The following REPS1 variants were observed in gnomAD, a reference collection of about 807,000 sequenced individuals.
REPS1 encodes ralBP1-associated Eps domain-containing protein 1.
In REPS1, 39 loss-of-function variants were observed where a neutral mutation model predicts 100.9. That is an observed-to-expected ratio of 0.39 (90% CI 0.30 to 0.50). REPS1 has a LOEUF of 0.50. REPS1 is among the 20% of genes least tolerant of loss of function. The probability of loss-of-function intolerance (pLI) is 0.86; values close to 1 mark genes in which losing one functional copy is unlikely to be tolerated. For missense variants in REPS1, 821 were observed against 968.5 expected (o/e 0.85, Z 2.02); for synonymous variants, 324 against 340.3 (o/e 0.95, Z 0.53).
At chr6:138,955,707 A>G (rs1211724584) in intron 1 of REPS1, among the ~76,000 whole-genome samples, 3 of 152,090 alleles carry the variant, frequency 2.0e-5, no homozygotes, top group Admixed American at 1.3e-4. Flanking sequence ...ACTTCTAGGA[A>G]AAAAGATAAA....
chr6:138,941,629 GTAA>G, intron 7 of REPS1, 140 bp from the exon 8 acceptor site: 1 of 768,014 alleles, frequency 1.3e-6, no homozygotes, highest in South Asian at 1.8e-5. Context: ...AGAAAGATGT[GTAA>G]TATAGCAAAT....
intron 14 of REPS1, 131 bp downstream of exon 14, chr6:138,915,727 A>T: frequency 1.5e-6 from 1 of 679,810 alleles, no homozygotes; most frequent in South Asian, 1.9e-5. Context: ...GATTACAGGC[A>T]TGAGCAACCA....
chr6:138,915,452 A>ATT (rs5880407), intron 14 of REPS1, among the ~76,000 whole-genome samples: 5 of 134,622 alleles, frequency 3.7e-5, no homozygotes, highest in Non-Finnish European at 3.3e-5. Flanking sequence ...CCTTCAGATA[A>ATT]TTTTTTTTTT....
rs933893296 is a variant in REPS1 at position 138,988,005 on chromosome 6, A to AG, written c.-324dup. 2.4e-4 allele frequency: 95 copies of AG among 395,144 alleles called. 3 individuals carry two copies. The highest frequency in any genetic ancestry group is 1.8e-3 in the African/African-American group (88 of 48,446). The allele number at this position is 395,144 out of a possible 1,614,324, so 24.5% of individuals were successfully genotyped here. A position where few individuals can be genotyped will look rare whatever the true frequency, so the allele number is the denominator to read the frequency against. On this transcript the variant is annotated 5_prime_UTR_variant, in exon 1 of 20. Coordinates refer to ENST00000450536, the MANE Select transcript of REPS1 (RefSeq NM_001286611.2). ...AAGAGGCGGGGGCCGCGGAGGCGCG[A>AG]GGCACTGGCGGACTCCGCCCCCGCC...
At chr6:138,930,334 AAAG>A (rs1407723016) in intron 8 of REPS1, among the ~76,000 whole-genome samples, 6 of 152,228 alleles carry the variant, frequency 3.9e-5, no homozygotes, top group African/African-American at 7.2e-5. Context: ...TTAGGAATAA[AAAG>A]AAGGTTATAC....
chr6:138,952,904 C>T (rs1210267920), intron 1 of REPS1, among the ~76,000 whole-genome samples: 3 of 151,122 alleles, frequency 2.0e-5, no homozygotes, highest in Non-Finnish European at 2.9e-5. Context: ...ATGGCACAAT[C>T]TCGGCTCACC....
At chr6:138,947,076 C>CT (rs754994209) in intron 2 of REPS1, among the ~76,000 whole-genome samples, 1 of 149,186 alleles carries the variant, frequency 6.7e-6, no homozygotes, top group African/African-American at 2.5e-5. Flanking sequence ...CTCTCTCTCT[C>CT]CTGTGGCCAC....
chr6:138,905,649 T>C (rs575777329), intron 19 of REPS1, among the ~76,000 whole-genome samples: 6 of 152,378 alleles, frequency 3.9e-5, no homozygotes, highest in Middle Eastern at 3.4e-3. Context: ...TTTCAAACAT[T>C]TTCTTATTAC....
Position 138,987,657 on chromosome 6 carries a change from G to A in REPS1, c.26C>T (p.Ala9Val), listed in dbSNP as rs2128521201. The change falls in exon 1 of 20, where the codon GCG (alanine) becomes GTG (valine). Residue 9 changes from alanine (A) to valine (V), a missense_variant. Around this residue, in one of 3 missense-constraint regions of REPS1, gnomAD observed 36 missense variants for 36.7 expected, o/e 0.98. Coordinates refer to ENST00000450536, the MANE Select transcript of REPS1 (RefSeq NM_001286611.2). The part of the protein sequence containing the change: MEGLTLSD[A>V]EQKYYSDLFS... ...GAGATCTGAATAGTATTTCTGCTCC[G>A]CATCGCTCAGCGTTAAGCCTTCCAT... 1 of 1,548,810 alleles carries A rather than the reference G, an allele frequency of 6.5e-7. No individual in the cohort carries two copies. The highest frequency in any genetic ancestry group is 2.5e-5 in the East Asian group (1 of 40,470).
At chr6:138,945,128 G>A (rs1582795416) in intron 4 of REPS1, 91 bp downstream of exon 4, 2 of 1,155,992 alleles carry the variant, frequency 1.7e-6, no homozygotes, top group South Asian at 3.7e-5. Context: ...CACCTACTCA[G>A]GAGGCTGAGG....
intron 8 of REPS1, among the ~76,000 whole-genome samples, chr6:138,940,311 TGA>T (rs1782151524): frequency 6.6e-6 from 1 of 152,194 alleles, no homozygotes; most frequent in South Asian, 2.1e-4. Flanking sequence ...CATATACAAA[TGA>T]GAGTATAGAT....
chr6:138,948,288 T>C (rs1455763452), intron 1 of REPS1, among the ~76,000 whole-genome samples: 1 of 152,192 alleles, frequency 6.6e-6, no homozygotes, highest in Non-Finnish European at 1.5e-5. Context: ...TGACGGTCTT[T>C]AAATGATATA....
rs759905829 is a variant in REPS1, at chr6:138,944,490, T to C, written c.753+8A>G. ...AAATAAAAATGCAATACCAATAAAA[T>C]GTCACACCTGGACAGAAGCAGGATG... On this transcript the variant is annotated splice_region_variant and intron_variant, in intron 5 of 19. Coordinates refer to ENST00000450536, the MANE Select transcript of REPS1 (RefSeq NM_001286611.2). 1 of 1,611,998 alleles carries C rather than the reference T, an allele frequency of 6.2e-7. No homozygotes were observed. Among genetic ancestry groups the C allele is most frequent in the Non-Finnish European group, 8.5e-7 (1 of 1,179,200 alleles).
intron 8 of REPS1, among the ~76,000 whole-genome samples, chr6:138,937,814 A>G (rs904044550): frequency 7.2e-5 from 11 of 152,224 alleles, no homozygotes; most frequent in African/African-American, 2.7e-4. Flanking sequence ...GCACCTTGCT[A>G]GGCACTGAGA....
intron 19 of REPS1, among the ~76,000 whole-genome samples, chr6:138,906,571 G>A (rs1211592338): frequency 1.3e-5 from 2 of 152,190 alleles, no homozygotes; most frequent in African/African-American, 4.8e-5. Context: ...AGAGACAAAT[G>A]TGTCACAGAT....
chr6:138,917,705 T>A, intron 12 of REPS1, 78 bp from the exon 13 acceptor site: 1 of 1,160,408 alleles, frequency 8.6e-7, no homozygotes, highest in Non-Finnish European at 1.3e-6. Flanking sequence ...CAAATATAAG[T>A]GATATGCTGT....
At chr6:138,922,465 T>C (rs1780839765) in intron 10 of REPS1, among the ~76,000 whole-genome samples, 1 of 152,100 alleles carries the variant, frequency 6.6e-6, no homozygotes, top group South Asian at 2.1e-4. Context: ...ACTAAAGGAA[T>C]TGATAATAAA....
chr6:138,936,784 T>C (rs1396228493), intron 8 of REPS1, among the ~76,000 whole-genome samples: 2 of 152,146 alleles, frequency 1.3e-5, no homozygotes, highest in Non-Finnish European at 2.9e-5. Context: ...GATATACATA[T>C]AAGCATGTTC....
intron 1 of REPS1, among the ~76,000 whole-genome samples, chr6:138,978,350 G>C (rs1176125817): frequency 6.7e-6 from 1 of 150,252 alleles, no homozygotes; most frequent in African/African-American, 2.5e-5. Flanking sequence ...GTCCATTGGC[G>C]CAATCTCGGG....
Sources: gnomAD v4.1 joint callset for allele counts (sites outside exome capture counted in the v4.1 genomes callset) on GRCh38, gnomAD v4.1.1 for gene constraint, gnomAD v4.1.1 regional missense constraint, MANE v1.5 for transcripts, NCBI Gene and HGNC (gene_info 2026-07-23, HGNC 2026-07-21) for gene names.